The following PGBD2 variants were observed in gnomAD, a reference collection of about 807,000 sequenced individuals.
PGBD2 encodes piggyBac transposable element derived 2, also known as piggyBac transposable element-derived protein 2.
A neutral mutation model predicts 8.1 loss-of-function variants in PGBD2; 6 were observed. That is an observed-to-expected ratio of 0.74 (90% CI 0.40 to 1.46). PGBD2 has a LOEUF of 1.46. Ranked by LOEUF, PGBD2 falls within the 40% of genes most tolerant of loss-of-function variation. The pLI is 0.02. For missense variants in PGBD2, 802 were observed against 739.0 expected, an observed-to-expected ratio of 1.09 and a Z score of -0.99; for synonymous variants, 318 against 272.2, an observed-to-expected ratio of 1.17 and a Z score of -1.66.
At chr1:248,914,086 G>A (rs912040090) in intron 2 of PGBD2, among the ~76,000 whole-genome samples, 5 of 152,166 alleles carry the variant, frequency 3.3e-5, no homozygotes, top group Non-Finnish European at 7.3e-5. Context: ...TGGTTATGTA[G>A]CACTAATGTT....
upstream of PGBD2, among the ~76,000 whole-genome samples, chr1:248,903,765 T>A (rs1249768494): frequency 2.6e-5 from 4 of 152,170 alleles, no homozygotes; most frequent in East Asian, 7.7e-4. Context: ...CTAATGAGTA[T>A]TTTCTCATAA....
At chr1:248,898,351 T>C in the PGBD2 span, among the ~76,000 whole-genome samples, 3 of 152,208 alleles carry the variant, frequency 2.0e-5, no homozygotes, top group Non-Finnish European at 4.4e-5. Flanking sequence ...AATGTTCCTC[T>C]GGGAAGGAGC....
chr1:248,904,355 T>C (rs139581701), upstream of PGBD2, among the ~76,000 whole-genome samples: 35 of 152,332 alleles, frequency 2.3e-4, no homozygotes, highest in East Asian at 6.2e-3. Context: ...TTTCAAAGAT[T>C]TGACTTTGTT....
chr1:248,905,018 G>C (rs755917577), upstream of PGBD2, among the ~76,000 whole-genome samples: 2 of 152,166 alleles, frequency 1.3e-5, no homozygotes, highest in African/African-American at 4.8e-5. Flanking sequence ...GAATGAATGA[G>C]ACACAGGATC....
the PGBD2 span, among the ~76,000 whole-genome samples, chr1:248,882,826 A>G: frequency 6.6e-6 from 1 of 152,182 alleles, no homozygotes; most frequent in Non-Finnish European, 1.5e-5. Flanking sequence ...CCAACCTGGC[A>G]TTGTCTTTAC....
At chr1:248,911,516 T>A (rs1572274632) in intron 1 of PGBD2, among the ~76,000 whole-genome samples, 1 of 144,630 alleles carries the variant, frequency 6.9e-6, no homozygotes, top group Non-Finnish European at 1.5e-5. Flanking sequence ...CATGTCTACT[T>A]CTTTCTACAC....
chr1:248,907,461 A>G (rs552957637), intron 1 of PGBD2, among the ~76,000 whole-genome samples: 7 of 152,110 alleles, frequency 4.6e-5, no homozygotes, highest in Admixed American at 6.5e-5. Context: ...TCTTTTACTA[A>G]TCCACCTCAG....
At chr1:248,898,524 A>G in the PGBD2 span, among the ~76,000 whole-genome samples, 1 of 152,238 alleles carries the variant, frequency 6.6e-6, no homozygotes, top group Non-Finnish European at 1.5e-5. Context: ...TATAAGCAAA[A>G]AAGAAATAAG....
downstream of PGBD2, among the ~76,000 whole-genome samples, chr1:248,924,628 C>T (rs1308827821): frequency 6.6e-6 from 1 of 152,174 alleles, no homozygotes; most frequent in East Asian, 1.9e-4. Context: ...TGTCCAGATG[C>T]ATAGGGAGTT....
At chr1:248,928,465 G>A in the PGBD2 span, among the ~76,000 whole-genome samples, 2 of 152,138 alleles carry the variant, frequency 1.3e-5, no homozygotes, top group African/African-American at 4.8e-5. Context: ...ATATAGCTGT[G>A]ACCCAAATGC....
downstream of PGBD2, among the ~76,000 whole-genome samples, chr1:248,923,571 G>A (rs985385173): frequency 6.6e-6 from 1 of 152,106 alleles, no homozygotes; most frequent in African/African-American, 2.4e-5. Flanking sequence ...TCTCCCACTG[G>A]CTCTTAGCCA....
At chr1:248,897,078 A>G in the PGBD2 span, among the ~76,000 whole-genome samples, 1 of 152,186 alleles carries the variant, frequency 6.6e-6, no homozygotes, top group African/African-American at 2.4e-5. Context: ...TAGCCGTGGT[A>G]AAGAAATCAA....
downstream of PGBD2, among the ~76,000 whole-genome samples, chr1:248,921,929 G>C (rs1408318536): frequency 6.6e-6 from 1 of 152,146 alleles, no homozygotes; most frequent in Admixed American, 6.5e-5. Context: ...TGATTCGGCT[G>C]TTTGTGTGTT....
the PGBD2 span, among the ~76,000 whole-genome samples, chr1:248,874,293 G>T: frequency 7.2e-5 from 11 of 152,138 alleles, no homozygotes; most frequent in East Asian, 1.9e-4. Context: ...CACCGCCGCG[G>T]CCCGGGTTCG....
At chr1:248,928,631 C>T in the PGBD2 span, among the ~76,000 whole-genome samples, 1 of 151,262 alleles carries the variant, frequency 6.6e-6, no homozygotes, top group Non-Finnish European at 1.5e-5. Context: ...CTTTCCACTG[C>T]ATTCCAGGAA....
At chr1:248,895,500 A>AGACATTTAAGGAATTAAATATCTTAAT in the PGBD2 span, among the ~76,000 whole-genome samples, 3 of 152,144 alleles carry the variant, frequency 2.0e-5, no homozygotes, top group Non-Finnish European at 4.4e-5. Flanking sequence ...TGGTGCTGTT[A>AGACATTTAAGGAATTAAATATCTTAAT]GACATTTAAG....
chr1:248,878,311 C>G, the PGBD2 span, among the ~76,000 whole-genome samples: 1 of 152,066 alleles, frequency 6.6e-6, no homozygotes, highest in Non-Finnish European at 1.5e-5. Context: ...TCCCGAGTAG[C>G]TGGGACTACG....
chr1:248,898,161 T>G, the PGBD2 span, among the ~76,000 whole-genome samples: 1 of 152,172 alleles, frequency 6.6e-6, no homozygotes, highest in African/African-American at 2.4e-5. Flanking sequence ...CCTGCTGGCT[T>G]TGGAGAGTCT....
At chr1:248,914,601 C>A (rs1272952525) in intron 2 of PGBD2, 2 of 1,288,520 alleles carry the variant, frequency 1.6e-6, no homozygotes, top group Non-Finnish European at 2.0e-6. Flanking sequence ...CTGCATCCTT[C>A]TGTTGGGATG....
Sources: gnomAD v4.1 joint callset for allele counts (sites outside exome capture counted in the v4.1 genomes callset) on GRCh38, gnomAD v4.1.1 for gene constraint, MANE v1.5 for transcripts, NCBI Gene and HGNC (gene_info 2026-07-23, HGNC 2026-07-21) for gene names.